CNTN3: variants seen among roughly 807,000 people sequenced by gnomAD.
The protein encoded by CNTN3 is contactin 3, also known as contactin-3.
In CNTN3, 60 loss-of-function variants were observed where a neutral mutation model predicts 119.1. The observed-to-expected ratio is 0.50, with a 90% CI of 0.41 to 0.62. CNTN3 has a LOEUF of 0.62. Among genes scored for constraint, CNTN3 ranks in the 20% least tolerant of loss-of-function variants. The pLI is 0.00. For synonymous variants in CNTN3, 450 were observed against 438.7 expected (o/e 1.03, Z -0.32); for missense variants, 1,101 against 1,242.4 (o/e 0.89, Z 1.71).
intron 5 of CNTN3, among the ~76,000 whole-genome samples, chr3:74,419,095 C>A (rs932168058): frequency 6.6e-6 from 1 of 152,114 alleles, no homozygotes; most frequent in Non-Finnish European, 1.5e-5. Context: ...CCGCACCTGG[C>A]CTGTTTTAAA....
At chr3:74,269,447 T>C (rs1701725759) in intron 20 of CNTN3, among the ~76,000 whole-genome samples, 1 of 152,178 alleles carries the variant, frequency 6.6e-6, no homozygotes. Context: ...TATTAGTAAC[T>C]AATACTTAGT....
intron 11 of CNTN3, among the ~76,000 whole-genome samples, chr3:74,337,628 T>C (rs1975581): frequency 0.72 from 109,820 of 151,862 alleles, 39,776 homozygotes; most frequent in South Asian, 0.81. Flanking sequence ...ATGAGACTTA[T>C]TCACTACCAC....
intron 5 of CNTN3, among the ~76,000 whole-genome samples, chr3:74,399,757 G>T (rs1705146860): frequency 6.6e-6 from 1 of 152,062 alleles, no homozygotes; most frequent in Admixed American, 6.6e-5. Flanking sequence ...GTACACTGTT[G>T]GTGGGAGTGT....
At chr3:74,553,747 AT>A (rs1704028705) in intron 1 of CNTN3, among the ~76,000 whole-genome samples, 1 of 152,004 alleles carries the variant, frequency 6.6e-6, no homozygotes, top group Admixed American at 6.5e-5. Context: ...TCCTTTGCCC[AT>A]TTTTTGATGG....
intron 4 of CNTN3, among the ~76,000 whole-genome samples, chr3:74,446,323 G>GA (rs1559605808): frequency 6.6e-6 from 1 of 152,026 alleles, no homozygotes; most frequent in Non-Finnish European, 1.5e-5. Context: ...AATTGTGGCA[G>GA]AAAAAAGAGA....
intron 2 of CNTN3, among the ~76,000 whole-genome samples, chr3:74,519,072 T>C (rs1703498951): frequency 6.6e-6 from 1 of 151,918 alleles, no homozygotes; most frequent in African/African-American, 2.4e-5. Flanking sequence ...CTTAAGTGTA[T>C]ATTTATATGG....
chr3:74,461,068 T>C (rs1204402396), intron 4 of CNTN3, among the ~76,000 whole-genome samples: 3 of 151,728 alleles, frequency 2.0e-5, no homozygotes, highest in Admixed American at 2.0e-4. Flanking sequence ...GTATTGAATT[T>C]TATCAAAGGC....
intron 13 of CNTN3, among the ~76,000 whole-genome samples, chr3:74,321,745 T>TA (rs1319480029): frequency 3.3e-5 from 5 of 151,948 alleles, no homozygotes; most frequent in African/African-American, 1.2e-4. Context: ...TAAAAGATAA[T>TA]AAAAAAATTA....
chr3:74,383,415 T>C (rs1385648997), intron 5 of CNTN3, among the ~76,000 whole-genome samples: 1 of 152,174 alleles, frequency 6.6e-6, no homozygotes, highest in Non-Finnish European at 1.5e-5. Context: ...GTACCACATG[T>C]CAAAGGCAAA....
chr3:74,327,006 A>T (rs1316743169), intron 13 of CNTN3, among the ~76,000 whole-genome samples: 1 of 150,836 alleles, frequency 6.6e-6, no homozygotes, highest in East Asian at 2.0e-4. Context: ...ATGTCATCTT[A>T]GTATCAATCG....
intron 1 of CNTN3, among the ~76,000 whole-genome samples, chr3:74,573,472 T>C (rs994011643): frequency 3.9e-5 from 6 of 152,130 alleles, no homozygotes; most frequent in African/African-American, 1.4e-4. Context: ...AACTTTTGTG[T>C]TGCAAAGGAC....
intron 5 of CNTN3, among the ~76,000 whole-genome samples, chr3:74,424,147 A>C (rs1252813884): frequency 6.6e-6 from 1 of 152,122 alleles, no homozygotes. Context: ...TGTTCCTGCA[A>C]GTGGCCAAGT....
At chr3:74,367,080 C>G (rs192136866) in intron 8 of CNTN3, among the ~76,000 whole-genome samples, 1 of 151,430 alleles carries the variant, frequency 6.6e-6, no homozygotes, top group Non-Finnish European at 1.5e-5. Context: ...CTGATTTCTC[C>G]CTTTATTCCA....
chr3:74,480,630 C>T (rs1428130693), intron 4 of CNTN3, among the ~76,000 whole-genome samples: 2 of 151,862 alleles, frequency 1.3e-5, no homozygotes, highest in African/African-American at 2.4e-5. Flanking sequence ...TGGACAAAAG[C>T]TTGATGTTTT....
At chr3:74,270,261 C>A (rs1165613307) in intron 20 of CNTN3, among the ~76,000 whole-genome samples, 1 of 152,130 alleles carries the variant, frequency 6.6e-6, no homozygotes, top group East Asian at 1.9e-4. Context: ...CTTGCCTCAA[C>A]CAATGGAATG....
chr3:74,320,692 A>T (rs968836070), intron 13 of CNTN3, among the ~76,000 whole-genome samples: 9 of 152,210 alleles, frequency 5.9e-5, no homozygotes, highest in African/African-American at 2.2e-4. Flanking sequence ...ACAACAAAAA[A>T]TTCAGACAGA....
In CNTN3 at chr3:74,369,218, T is replaced by G. The variant is rs962952615; in HGVS notation, c.917A>C (p.Asn306Thr). The change falls in exon 8 of 23, where the codon AAT becomes ACT. Residue 306 changes from asparagine (N) to threonine (T), a missense_variant. By Grantham distance (65) the Asn-to-Thr change is moderately conservative (BLOSUM62 0). Coordinates refer to ENST00000263665, the MANE Select transcript of CNTN3 (RefSeq NM_020872.3). The part of the protein sequence containing the change: ...ECIAENSRGK[N>T]VARGRLTYYA... ...GTAAGTGAGACGCCCTCTGGCAACA[T>G]TTTTTCCTCGTGAATTCTCAGCAAT... The G allele has an allele frequency of 6.2e-7, 1 of 1,604,064 alleles. No individual in the cohort carries two copies. Among genetic ancestry groups the G allele is most frequent in the Non-Finnish European group, 8.5e-7 (1 of 1,175,402 alleles).
At chr3:74,285,191 A>T in intron 20 of CNTN3, 114 bp downstream of exon 20, 1 of 1,156,566 alleles carries the variant, frequency 8.6e-7, no homozygotes, top group Non-Finnish European at 1.2e-6. Flanking sequence ...AGTTAGGTTT[A>T]TATAATCTAG....
chr3:74,489,117 A>G (rs1263908783), intron 3 of CNTN3, among the ~76,000 whole-genome samples: 2 of 152,144 alleles, frequency 1.3e-5, no homozygotes. Context: ...CCTTGTGAAT[A>G]CTCTGAAACA....
Sources: allele counts gnomAD v4.1 joint callset (sites outside exome capture counted in the v4.1 genomes callset), GRCh38; gene constraint gnomAD v4.1.1; transcripts MANE v1.5; gene names NCBI Gene and HGNC (gene_info 2026-07-23, HGNC 2026-07-21).